Variants in TMEM181 observed in about 807,000 individuals in gnomAD.
TMEM181 encodes the protein transmembrane protein 181, also known as G protein-coupled receptor 178.
TMEM181 carries 39 observed loss-of-function variants against 71.9 expected under a neutral mutation model. That is an observed-to-expected ratio of 0.54 (90% CI 0.42 to 0.71). TMEM181 has a LOEUF of 0.71. Among genes scored for constraint, TMEM181 ranks in the 30% least tolerant of loss-of-function variants. The probability of loss-of-function intolerance (pLI) is 0.00; values close to 1 mark genes in which losing one functional copy is unlikely to be tolerated. For missense variants in TMEM181, 595 were observed against 583.0 expected, an observed-to-expected ratio of 1.02 and a Z score of -0.21; for synonymous variants, 245 against 228.8, an observed-to-expected ratio of 1.07 and a Z score of -0.64.
rs1786649424 is a variant in TMEM181 at position 158,631,267 on chromosome 6, T to C, written c.1283-56T>C. The C allele has an allele frequency of 4.4e-6, 7 of 1,581,730 alleles. No individual in the cohort carries two copies. The East Asian group carries it at 1.6e-4, about 35-fold the overall frequency. ...CCTTTGTCCGGGACAGCATCCTGCCTGTCCAGGCTCATCACGTCAATTGCT... is the reference window on the plus strand; with the variant it reads ...CCTTTGTCCGGGACAGCATCCTGCCCGTCCAGGCTCATCACGTCAATTGCT... On this transcript the variant is annotated intron_variant, in intron 15 of 16. Coordinates refer to ENST00000684151, the MANE Select transcript of TMEM181 (RefSeq NM_001376852.1).
At chr6:158,622,507 A>G (rs1039523651) in intron 10 of TMEM181, among the ~76,000 whole-genome samples, 8 of 152,214 alleles carry the variant, frequency 5.3e-5, no homozygotes, top group Admixed American at 1.3e-4. Context: ...CGGGGTACAC[A>G]GGACAAAGGG....
intron 7 of TMEM181, among the ~76,000 whole-genome samples, chr6:158,606,722 C>A (rs1420371158): frequency 1.3e-5 from 2 of 152,226 alleles, no homozygotes; most frequent in African/African-American, 4.8e-5. Flanking sequence ...ATCCTCTGAC[C>A]TTTGTTACAA....
chr6:158,539,264 A>G (rs1582907176), intron 1 of TMEM181, among the ~76,000 whole-genome samples: 2 of 152,212 alleles, frequency 1.3e-5, no homozygotes, highest in East Asian at 3.8e-4. Context: ...GCTGAATCAC[A>G]AAGTCTGTTT....
intron 14 of TMEM181, 123 bp downstream of exon 14, chr6:158,628,613 GCCT>G (rs2128331701): frequency 2.5e-6 from 2 of 792,806 alleles, no homozygotes; most frequent in East Asian, 2.7e-5. Flanking sequence ...TTCTCCGGAG[GCCT>G]CGTCTCTGCT....
intron 6 of TMEM181, among the ~76,000 whole-genome samples, chr6:158,604,174 C>T (rs1207912037): frequency 1.3e-5 from 2 of 152,220 alleles, no homozygotes; most frequent in Admixed American, 6.5e-5. Flanking sequence ...TCGGGCCAGC[C>T]CTGTCTCCCT....
At position 158,625,743 on chromosome 6, in the gene TMEM181, A is replaced by C. The variant is rs1786237948; in HGVS notation, c.1098A>C (p.Val366=). ...TTTTGACTGCATTGACTTTCGTAGT[A>C]CTTGTCATTAGGTAAGAAGACCTTA... ...LKFLTALTFV[V]LVISIAILYL... Residue 366 remains valine, a synonymous_variant, in exon 13 of 17, where the codon GTA becomes GTC. Transcript: ENST00000684151. 1 of 1,610,476 alleles carries C rather than the reference A, an allele frequency of 6.2e-7. No individual in the cohort carries two copies. Among genetic ancestry groups the C allele is most frequent in the South Asian group, 1.1e-5 (1 of 89,708 alleles).
intron 1 of TMEM181, among the ~76,000 whole-genome samples, chr6:158,566,835 C>G (rs1326275107): frequency 6.6e-6 from 1 of 152,054 alleles, no homozygotes; most frequent in African/African-American, 2.4e-5. Flanking sequence ...AGACACTCCA[C>G]AAACCTCACC....
chr6:158,602,909 C>T (rs1424608228), intron 6 of TMEM181, among the ~76,000 whole-genome samples: 3 of 152,090 alleles, frequency 2.0e-5, no homozygotes, highest in African/African-American at 7.2e-5. Context: ...AAATGTTGGT[C>T]ACTGTCTTCC....
chr6:158,624,703 A>C (rs1786168103), intron 11 of TMEM181, among the ~76,000 whole-genome samples: 1 of 152,228 alleles, frequency 6.6e-6, no homozygotes, highest in South Asian at 2.1e-4. Flanking sequence ...GTGGATTCCC[A>C]GGGCCTAGCC....
intron 13 of TMEM181, among the ~76,000 whole-genome samples, chr6:158,626,990 CCTCA>C (rs905763434): frequency 4.1e-5 from 6 of 144,652 alleles, no homozygotes; most frequent in East Asian, 2.2e-4. Context: ...ACTCACACAC[CCTCA>C]CTCTCAGCAC....
exon 1 of TMEM181, chr6:158,536,652 C>T (rs775075263): frequency 6.7e-7 from 1 of 1,486,898 alleles, no homozygotes; most frequent in Non-Finnish European, 8.9e-7. Context: ...CAGCCCGATC[C>T]CCAGTGCTGG....
intron 1 of TMEM181, among the ~76,000 whole-genome samples, chr6:158,543,520 G>T (rs946145755): frequency 6.6e-6 from 1 of 152,228 alleles, no homozygotes; most frequent in Non-Finnish European, 1.5e-5. Context: ...CCAGAAGTCC[G>T]AAATCCAGGT....
chr6:158,560,206 G>C lies in TMEM181; in HGVS notation c.-19G>C, dbSNP rs1582940242. Reference sequence around the variant, plus strand: ...GGCTCGGGACGCGCGGGCCGGGGCCGAGGGCTCTGGGCGCCGAGATGGAGC... The same window carrying C: ...GGCTCGGGACGCGCGGGCCGGGGCCCAGGGCTCTGGGCGCCGAGATGGAGC... On this transcript the variant is annotated 5_prime_UTR_variant, in exon 1 of 17. Coordinates refer to ENST00000684151, the MANE Select transcript of TMEM181 (RefSeq NM_001376852.1). 16 of 984,734 alleles carry C rather than the reference G, an allele frequency of 1.6e-5. No homozygotes were observed. Among genetic ancestry groups the C allele is most frequent in the Non-Finnish European group, 1.9e-5 (16 of 829,734 alleles). The allele number at this position is 984,734 out of a possible 1,614,324, so 61.0% of individuals were successfully genotyped here.
In TMEM181 at chr6:158,580,970, A is replaced by C. The variant is rs772678641; in HGVS notation, c.143A>C (p.Asn48Thr). The change falls in exon 3 of 17, where the codon AAT becomes ACT. Residue 48 changes from asparagine to threonine, a missense_variant. Physicochemically the swap from Asn to Thr is moderately conservative, Grantham distance 65. Transcript: ENST00000684151. ...AAAGTGATCCAGACTTCTGCGGCTAATTTTTCACTAAATAATAGCAAAAAG... is the reference window on the plus strand; with the variant it reads ...AAAGTGATCCAGACTTCTGCGGCTACTTTTTCACTAAATAATAGCAAAAAG... ...GPKVIQTSAA[N>T]FSLNNSKKLK... The C allele has an allele frequency of 6.2e-7, 1 of 1,609,448 alleles. No homozygotes were observed. The highest frequency in any genetic ancestry group is 8.5e-7 in the Non-Finnish European group (1 of 1,176,170).
intron 2 of TMEM181, among the ~76,000 whole-genome samples, chr6:158,575,411 C>T (rs1783101521): frequency 1.3e-5 from 2 of 152,080 alleles, no homozygotes; most frequent in African/African-American, 4.8e-5. Context: ...TCACTGCAAC[C>T]TCTTCCTCCC....
intron 1 of TMEM181, among the ~76,000 whole-genome samples, chr6:158,566,794 G>A (rs78511684): frequency 6.6e-4 from 100 of 152,022 alleles, no homozygotes; most frequent in African/African-American, 2.4e-3. Context: ...GAGACCGACG[G>A]AAGTTTTCCA....
chr6:158,542,827 A>ACTG (rs1365691791), intron 1 of TMEM181, among the ~76,000 whole-genome samples: 1 of 147,552 alleles, frequency 6.8e-6, no homozygotes, highest in Non-Finnish European at 1.5e-5. Context: ...CTGGTCTCGA[A>ACTG]CTGCTGACCT....
intron 6 of TMEM181, among the ~76,000 whole-genome samples, chr6:158,603,696 A>G (rs558238296): frequency 2.3e-4 from 33 of 141,480 alleles, no homozygotes; most frequent in African/African-American, 7.9e-4. Flanking sequence ...CCAAGTCTTT[A>G]TTTAACACAA....
At chr6:158,584,112 T>C in intron 4 of TMEM181, 68 bp downstream of exon 4, 2 of 1,292,582 alleles carry the variant, frequency 1.5e-6, no homozygotes, top group Non-Finnish European at 2.2e-6. Flanking sequence ...AGATGTTGAC[T>C]TCAGAATATT....
Sources: allele counts gnomAD v4.1 joint callset (sites outside exome capture counted in the v4.1 genomes callset), GRCh38; gene constraint gnomAD v4.1.1; transcripts MANE v1.5; gene names NCBI Gene and HGNC (gene_info 2026-07-23, HGNC 2026-07-21).